TTLL8: variants seen among roughly 807,000 people sequenced by gnomAD.
The protein encoded by TTLL8 is tubulin tyrosine ligase like 8, also known as protein monoglycylase TTLL8.
In TTLL8, 65 loss-of-function variants were observed where a neutral mutation model predicts 77.8. That is an observed-to-expected ratio of 0.84 (90% CI 0.68 to 1.03). The LOEUF is 1.03. Among genes scored for constraint, TTLL8 ranks in the 50% least tolerant of loss-of-function variants. TTLL8 has a pLI of 0.00. For missense variants in TTLL8, 910 were observed against 1,004.5 expected, an observed-to-expected ratio of 0.91 and a Z score of 1.27; for synonymous variants, 402 against 422.8, an observed-to-expected ratio of 0.95 and a Z score of 0.60.
chr22:50,032,235 A>C, intron 10 of TTLL8, 126 bp from the exon 12 acceptor site: 1 of 1,018,490 alleles, frequency 9.8e-7, no homozygotes. Context: ...GAGGACTCCA[A>C]CCCTCTGCTG....
At chr22:50,033,012 GT>G (rs1281045704) in intron 10 of TTLL8, 189 bp downstream of exon 11, 34 of 435,366 alleles carry the variant, frequency 7.8e-5, no homozygotes, top group Non-Finnish European at 9.5e-5. Context: ...TTGAAGGCCG[GT>G]GGGCCTGGGC....
chr22:50,032,131 GGT>G, intron 10 of TTLL8, 22 bp from the exon 12 acceptor site: 1 of 1,337,946 alleles, frequency 7.5e-7, no homozygotes, highest in South Asian at 1.2e-5. Flanking sequence ...ACGAGGGGCA[GGT>G]GCTCAGCCTC....
At chr22:50,035,732 C>T (rs779425734) in intron 8 of TTLL8, among the ~76,000 whole-genome samples, 9 of 152,226 alleles carry the variant, frequency 5.9e-5, no homozygotes, top group Non-Finnish European at 1.2e-4. Context: ...TGACGTCCAC[C>T]ATGTTGGTCA....
intron 2 of TTLL8, 186 bp downstream of exon 4, chr22:50,049,922 AG>A (rs766398378): frequency 5.3e-4 from 236 of 441,992 alleles, no homozygotes; most frequent in Non-Finnish European, 6.4e-4. Flanking sequence ...GGGGCTTGAA[AG>A]GGTTTGCCTG....
rs554884111 is a variant in TTLL8, at chr22:50,047,154, C to T, written c.393+14G>A. The T allele has an allele frequency of 9.7e-5, 132 of 1,366,996 alleles. No individual in the cohort carries two copies. The Middle Eastern group carries it at 2.0e-3, about 20-fold the overall frequency. The allele number at this position is 1,366,996 out of a possible 1,614,324, so 84.7% of individuals were successfully genotyped here. ...CTTGCCGGCTCCCGCCACGCTCAAG[C>T]GCGGCCGGCTCACCTTGGTGGTGAA... is the stretch of plus-strand genomic sequence containing the variant. On this transcript the variant is annotated intron_variant, in intron 4 of 13. Coordinates refer to ENST00000266182, the Ensembl canonical transcript of TTLL8.
chr22:50,029,658 G>C (rs1269319805), intron 12 of TTLL8, among the ~76,000 whole-genome samples: 1 of 152,182 alleles, frequency 6.6e-6, no homozygotes, highest in East Asian at 1.9e-4. Flanking sequence ...GCGAACCCGG[G>C]AGGCGGAGGC....
chr22:50,034,116 T>A lies in TTLL8; in HGVS notation c.1039+229A>T, dbSNP rs781375590. 6.6e-6 allele frequency among the ~76,000 whole-genome samples: 1 copy of A among 152,226 alleles called. No homozygotes were observed. Among genetic ancestry groups the A allele is most frequent in the Non-Finnish European group, 1.5e-5 (1 of 68,042 alleles). ...TTTGTGAATACAAAGGAGGAAATCC[T>A]GATTAACCCATCAACCCGGATCCTG... is the stretch of plus-strand genomic sequence containing the variant. On this transcript the variant is annotated intron_variant, in intron 9 of 13. Transcript: ENST00000266182. This position sits in a 1 kb window ranked among gnomAD's most constrained non-coding sequence, Gnocchi z 4.1.
chr22:50,030,196 C>T, intron 12 of TTLL8: 6 of 985,416 alleles, frequency 6.1e-6, no homozygotes, highest in Non-Finnish European at 7.2e-6. Flanking sequence ...CCCCACCATC[C>T]ACCTGGCCGG....
exon 12 of TTLL8, chr22:50,030,478 C>T (rs738333): frequency 0.32 from 428,318 of 1,341,866 alleles, 69,703 homozygotes; most frequent in African/African-American, 0.44. Context: ...GTCTTCAGGC[C>T]CCGCAGCACA....
chr22:50,028,524 T>C (rs572832390), intron 12 of TTLL8, among the ~76,000 whole-genome samples: 2 of 152,110 alleles, frequency 1.3e-5, no homozygotes, highest in Non-Finnish European at 2.9e-5. Flanking sequence ...TCCCAGCCCC[T>C]GAATCGCAGT....
chr22:50,023,867 A>C (rs2061217989), intron 12 of TTLL8, among the ~76,000 whole-genome samples: 1 of 151,900 alleles, frequency 6.6e-6, no homozygotes, highest in Non-Finnish European at 1.5e-5. Flanking sequence ...AAAAATACAA[A>C]AAATTAGCCG....
intron 2 of TTLL8, 70 bp from the exon 5 acceptor site, chr22:50,049,392 C>A: frequency 7.4e-7 from 1 of 1,354,738 alleles, no homozygotes; most frequent in South Asian, 1.1e-5. Flanking sequence ...GGTCCGTTAC[C>A]ACAACCGCAG....
In TTLL8 at chr22:50,026,905, A is replaced by T. The variant is rs116347964; in HGVS notation, c.2203+3525T>A. On this transcript the variant is annotated intron_variant, in intron 12 of 13. Coordinates refer to ENST00000266182, the Ensembl canonical transcript of TTLL8. ...GAAAGTCAAAGAACCCGGTTAAATGAACCAGATCTGGATCATGGTTGGAAA... is the reference window on the plus strand; with the variant it reads ...GAAAGTCAAAGAACCCGGTTAAATGTACCAGATCTGGATCATGGTTGGAAA... Among the ~76,000 whole-genome samples, 619 of 152,278 alleles carry T rather than the reference A, an allele frequency of 4.1e-3. 6 individuals carry two copies. Among genetic ancestry groups the T allele is most frequent in the African/African-American group, 0.014 (602 of 41,546 alleles).
chr22:50,031,192 C>T (rs1013442389), intron 11 of TTLL8, among the ~76,000 whole-genome samples: 1 of 152,202 alleles, frequency 6.6e-6, no homozygotes, highest in African/African-American at 2.4e-5. Context: ...CCGAGTTTAG[C>T]CACAGAGAGG....
At chr22:50,046,253 G>A (rs948435259) in intron 4 of TTLL8, among the ~76,000 whole-genome samples, 2 of 152,164 alleles carry the variant, frequency 1.3e-5, no homozygotes, top group Non-Finnish European at 2.9e-5. Context: ...TGCAGCTGAG[G>A]GCACCGAGGG....
chr22:50,028,926 G>A (rs59918511), intron 12 of TTLL8, among the ~76,000 whole-genome samples: 7 of 11,826 alleles, frequency 5.9e-4, no homozygotes, highest in African/African-American at 1.5e-3. Flanking sequence ...ACACCGTCCT[G>A]AAGACCCCCA....
chr22:50,056,748 TCA>T, upstream of TTLL8: 1 of 1,279,408 alleles, frequency 7.8e-7, no homozygotes, highest in Non-Finnish European at 1.0e-6. The surrounding 1 kb of genome is among the most constrained non-coding windows in gnomAD (Gnocchi z 4.1). Context: ...GTTCTGCAGC[TCA>T]GTGAAGTGCC....
chr22:50,035,032 A>C (rs2061326205), intron 8 of TTLL8, among the ~76,000 whole-genome samples: 1 of 152,194 alleles, frequency 6.6e-6, no homozygotes, highest in Non-Finnish European at 1.5e-5. Flanking sequence ...AAATCATCAT[A>C]ACCACAGGGA....
chr22:50,026,958 G>A (rs887806006), intron 12 of TTLL8, among the ~76,000 whole-genome samples: 2 of 152,206 alleles, frequency 1.3e-5, no homozygotes, highest in Non-Finnish European at 2.9e-5. Context: ...AGTCGGCCAG[G>A]TGCGGTGGCT....
Sources: allele counts gnomAD v4.1 joint callset (sites outside exome capture counted in the v4.1 genomes callset), GRCh38; gene constraint gnomAD v4.1.1; non-coding constraint Gnocchi (gnomAD v3.1); transcripts MANE v1.5; gene names NCBI Gene and HGNC (gene_info 2026-07-23, HGNC 2026-07-21).